NCAM1: variants seen among roughly 807,000 people sequenced by gnomAD.
NCAM1 encodes the protein antigen recognized by monoclonal antibody 5.1H11.
A neutral mutation model predicts 109.8 loss-of-function variants in NCAM1; 14 were observed. That is an observed-to-expected ratio of 0.13 (90% CI 0.08 to 0.20). NCAM1 has a LOEUF of 0.20. Ranked by LOEUF, NCAM1 falls within the 10% of genes least tolerant of loss-of-function variation. NCAM1 has a pLI of 1.00. For synonymous variants in NCAM1, 418 were observed against 442.9 expected (o/e 0.94, Z 0.70); for missense variants, 774 against 1,109.9 (o/e 0.70, Z 4.30).
At chr11:113,038,940 C>T (rs781854781) in intron 1 of NCAM1, among the ~76,000 whole-genome samples, 4 of 151,990 alleles carry the variant, frequency 2.6e-5, no homozygotes, top group Non-Finnish European at 4.4e-5. Context: ...ACAAATACTG[C>T]GGATATGATG....
At chr11:113,135,165 G>GT (rs1941552816) in intron 1 of NCAM1, among the ~76,000 whole-genome samples, 1 of 152,204 alleles carries the variant, frequency 6.6e-6, no homozygotes, top group Non-Finnish European at 1.5e-5. Context: ...GCTGGAGCTT[G>GT]TGGCAACCCA....
chr11:113,255,825 G>A (rs1555122173), intron 15 of NCAM1, 52 bp from the exon 16 acceptor site: 2 of 1,602,302 alleles, frequency 1.2e-6, no homozygotes, highest in Non-Finnish European at 8.5e-7. Flanking sequence ...CAGATGGGTT[G>A]GATTTTCATT....
intron 1 of NCAM1, among the ~76,000 whole-genome samples, chr11:113,148,161 G>A (rs782435322): frequency 4.6e-5 from 7 of 152,066 alleles, no homozygotes; most frequent in African/African-American, 1.4e-4. Flanking sequence ...ACCTAGGGAC[G>A]ACAGAGCCCT....
At chr11:113,106,631 A>G (rs191515980) in intron 1 of NCAM1, among the ~76,000 whole-genome samples, 2 of 152,348 alleles carry the variant, frequency 1.3e-5, no homozygotes, top group African/African-American at 2.4e-5. Context: ...CCAAAACACA[A>G]ACGGACATTG....
At chr11:113,108,861 C>T (rs1298825579) in intron 1 of NCAM1, among the ~76,000 whole-genome samples, 4 of 150,470 alleles carry the variant, frequency 2.7e-5, no homozygotes, top group South Asian at 2.1e-4. Flanking sequence ...CTGCAACCTC[C>T]GCCTCCCAGA....
chr11:113,126,612 C>T (rs1456625131), intron 1 of NCAM1, among the ~76,000 whole-genome samples: 3 of 152,280 alleles, frequency 2.0e-5, no homozygotes, highest in Admixed American at 1.3e-4. Context: ...GTATTCTCAG[C>T]GGATGCAATT....
At chr11:113,236,353 G>C (rs782096553) in intron 14 of NCAM1, 10 of 1,604,420 alleles carry the variant, frequency 6.2e-6, no homozygotes, top group Non-Finnish European at 8.5e-6. Flanking sequence ...TGTTTCCATA[G>C]CGTTAACATC....
chr11:113,066,908 G>T (rs1304590501), intron 1 of NCAM1, among the ~76,000 whole-genome samples: 1 of 150,944 alleles, frequency 6.6e-6, no homozygotes, highest in Non-Finnish European at 1.5e-5. Context: ...GGAGGCTGAG[G>T]CAGGAGAATG....
chr11:113,206,258 T>C (rs781993432), intron 5 of NCAM1, 78 bp downstream of exon 5: 1 of 1,468,484 alleles, frequency 6.8e-7, no homozygotes, highest in Non-Finnish European at 9.1e-7. Context: ...TAACTTCCTC[T>C]TGGGTCTGTA....
chr11:113,173,056 A>G (rs556284712), intron 1 of NCAM1, among the ~76,000 whole-genome samples: 9 of 152,238 alleles, frequency 5.9e-5, no homozygotes, highest in African/African-American at 2.2e-4. Context: ...GCAATTTTAT[A>G]CTGATGTTCC....
intron 1 of NCAM1, among the ~76,000 whole-genome samples, chr11:113,157,468 A>G (rs542057786): frequency 1.4e-4 from 22 of 152,256 alleles, no homozygotes; most frequent in African/African-American, 4.8e-4. Context: ...CTTGGTACAT[A>G]ATACACATAC....
At chr11:113,161,910 C>A (rs1163567685) in intron 1 of NCAM1, among the ~76,000 whole-genome samples, 1 of 152,134 alleles carries the variant, frequency 6.6e-6, no homozygotes, top group Non-Finnish European at 1.5e-5. Flanking sequence ...TTGTCCATCC[C>A]CTGAACTGAT....
intron 8 of NCAM1, among the ~76,000 whole-genome samples, chr11:113,218,676 C>A (rs1051967004): frequency 6.6e-6 from 1 of 152,130 alleles, no homozygotes; most frequent in Non-Finnish European, 1.5e-5. Flanking sequence ...TGACCATTAC[C>A]AATCTGTTAA....
chr11:112,975,051 G>T (rs1950971802), intron 1 of NCAM1, among the ~76,000 whole-genome samples: 1 of 151,954 alleles, frequency 6.6e-6, no homozygotes, highest in Non-Finnish European at 1.5e-5. Context: ...AAAGGAAAAG[G>T]GACATGCTCT....
At chr11:113,079,965 T>A (rs1024158121) in intron 1 of NCAM1, among the ~76,000 whole-genome samples, 1 of 152,192 alleles carries the variant, frequency 6.6e-6, no homozygotes, top group East Asian at 1.9e-4. Context: ...CTGTAAGGGT[T>A]TAAAGTCCTA....
chr11:113,103,536 C>T (rs933575161), intron 1 of NCAM1, among the ~76,000 whole-genome samples: 1 of 152,146 alleles, frequency 6.6e-6, no homozygotes, highest in Non-Finnish European at 1.5e-5. Flanking sequence ...CTTCTGTGAA[C>T]AGGTATCCCA....
At chr11:113,024,073 TA>T (rs79960639) in intron 1 of NCAM1, among the ~76,000 whole-genome samples, 18,448 of 152,152 alleles carry the variant, frequency 0.12, 1,210 homozygotes, top group East Asian at 0.32. Context: ...TCCCTTGGGG[TA>T]ACACTTACTC....
chr11:113,183,112 A>G (rs958870279), intron 1 of NCAM1, among the ~76,000 whole-genome samples: 13 of 152,240 alleles, frequency 8.5e-5, no homozygotes, highest in Non-Finnish European at 1.9e-4. Context: ...GGCAAGATAC[A>G]GTAACTTGCC....
chr11:113,079,275 T>A (rs1464087545), intron 1 of NCAM1, among the ~76,000 whole-genome samples: 3 of 152,248 alleles, frequency 2.0e-5, no homozygotes, highest in Non-Finnish European at 4.4e-5. Context: ...GAATAGATGC[T>A]GAGATGGAGG....
Sources: allele counts gnomAD v4.1 joint callset (sites outside exome capture counted in the v4.1 genomes callset), GRCh38; gene constraint gnomAD v4.1.1; transcripts MANE v1.5; gene names NCBI Gene and HGNC (gene_info 2026-07-23, HGNC 2026-07-21).